Variants in PIEZO1 observed in about 807,000 individuals in gnomAD.
PIEZO1 encodes the protein piezo-type mechanosensitive ion channel component 1.
Under a neutral mutation model 297.2 loss-of-function variants are expected in PIEZO1, and 296 were observed. The observed-to-expected ratio is 1.00, with a 90% CI of 0.91 to 1.10. PIEZO1 has a LOEUF of 1.10. Among genes scored for constraint, PIEZO1 ranks in the 50% least tolerant of loss-of-function variants. PIEZO1 has a pLI of 0.00. For missense variants in PIEZO1, 5,018 were observed against 3,455.5 expected, an observed-to-expected ratio of 1.45 and a Z score of -11.34; for synonymous variants, 2,427 against 1,507.5, an observed-to-expected ratio of 1.61 and a Z score of -14.13.
chr16:88,755,046 GGTCACCGCCGCGGCCATCA>G (rs1387487917), intron 1 of PIEZO1, among the ~76,000 whole-genome samples: 4 of 152,230 alleles, frequency 2.6e-5, no homozygotes, highest in Non-Finnish European at 5.9e-5. Flanking sequence ...GCGGCCATCA[GGTCACCGCCGCGGCCATCA>G]CGTCACCGCC....
In PIEZO1 at chr16:88,720,384, C is replaced by T. The variant is rs1406990931; in HGVS notation, c.5949+1G>A. The T allele has an allele frequency of 6.5e-7, 1 of 1,549,952 alleles. No individual in the cohort carries two copies. The highest frequency in any genetic ancestry group is 2.0e-5 in the Admixed American group (1 of 50,976). ...GGGTTTGGGTCCCGGGCCTGGCTCA[C>T]CCCAAAGGCCCAGAAGCCAAAAATG... On this transcript the variant is annotated splice_donor_variant, in intron 41 of 50. Coordinates refer to ENST00000301015, the MANE Select transcript of PIEZO1 (RefSeq NM_001142864.4). LOFTEE classifies it high-confidence loss of function.
At chr16:88,751,674 TA>T (rs35999205) in intron 1 of PIEZO1, among the ~76,000 whole-genome samples, 41,196 of 145,966 alleles carry the variant, frequency 0.28, 5,852 homozygotes, top group East Asian at 0.57. Context: ...ACATTTTCAT[TA>T]AAAAAAAAAA....
At chr16:88,732,213 C>T (rs1170214936) in intron 21 of PIEZO1, 122 bp downstream of exon 21, 1 of 823,828 alleles carries the variant, frequency 1.2e-6, no homozygotes, top group East Asian at 2.7e-5. Flanking sequence ...CCTGAGTCCC[C>T]CACCCTCTGT....
At chr16:88,772,229 G>A (rs917975714) in intron 1 of PIEZO1, among the ~76,000 whole-genome samples, 2 of 152,248 alleles carry the variant, frequency 1.3e-5, no homozygotes, top group African/African-American at 2.4e-5. Context: ...TGTGTCCAGC[G>A]CTGAAGTCCC....
chr16:88,752,661 C>G (rs936947601), intron 1 of PIEZO1, among the ~76,000 whole-genome samples: 1 of 152,068 alleles, frequency 6.6e-6, no homozygotes, highest in Non-Finnish European at 1.5e-5. Flanking sequence ...CCTCCCTGAC[C>G]GCCCTGCCCC....
intron 1 of PIEZO1, among the ~76,000 whole-genome samples, chr16:88,772,323 G>A (rs1907461179): frequency 6.6e-6 from 1 of 152,252 alleles, no homozygotes. Context: ...GGACAGGTAA[G>A]CAGGCTCTTG....
chr16:88,755,762 C>A (rs1175043245), intron 1 of PIEZO1, among the ~76,000 whole-genome samples: 1 of 152,218 alleles, frequency 6.6e-6, no homozygotes, highest in Non-Finnish European at 1.5e-5. Context: ...AGGCCGGGGG[C>A]CCCCAGGCCA....
Position 88,722,580 on chromosome 16 carries a change from T to G in PIEZO1, c.4775+3A>C. On this transcript the variant is annotated splice_donor_region_variant and intron_variant, in intron 35 of 50. Transcript: ENST00000301015. Reference sequence around the variant, plus strand: ...CTGGGGCTCGGGTCACCCCCGCACCTACCTGGACACGGTGCTTGGGGCATT... The same window carrying G: ...CTGGGGCTCGGGTCACCCCCGCACCGACCTGGACACGGTGCTTGGGGCATT... 6.5e-7 allele frequency: 1 copy of G among 1,526,788 alleles called. No homozygotes were observed. Among genetic ancestry groups the G allele is most frequent in the African/African-American group, 1.4e-5 (1 of 72,654 alleles). The allele number at this position is 1,526,788 out of a possible 1,614,324, so 94.6% of individuals were successfully genotyped here.
At chr16:88,757,401 G>A (rs1906728739) in intron 1 of PIEZO1, among the ~76,000 whole-genome samples, 1 of 151,552 alleles carries the variant, frequency 6.6e-6, no homozygotes. Context: ...GAGAGTGTGT[G>A]GACACTGGCA....
chr16:88,732,074 G>A (rs978397789), intron 21 of PIEZO1, among the ~76,000 whole-genome samples, 164 bp from the exon 22 acceptor site: 5 of 150,988 alleles, frequency 3.3e-5, no homozygotes, highest in African/African-American at 1.2e-4. Context: ...GGAGTGGCTG[G>A]CAGTTGCCAT....
intron 1 of PIEZO1, among the ~76,000 whole-genome samples, chr16:88,761,767 C>A (rs1172398131): frequency 6.6e-6 from 1 of 152,066 alleles, no homozygotes; most frequent in African/African-American, 2.4e-5. Flanking sequence ...CCTCCCCCTC[C>A]CTCCCAGGGC....
chr16:88,737,773 C>G lies in PIEZO1; in HGVS notation c.1062G>C (p.Glu354Asp), dbSNP rs1034086501. The stretch of plus-strand genomic sequence containing the variant: ...GGGGCCACTGGTCCAGCTCTGCTAG[C>G]TCCAGCTCCCGAGCCTCATACCCCT... Reference protein sequence around the residue: ...AAKGYEARELELAELDQWPQE... With the variant: ...AAKGYEARELDLAELDQWPQE... The change falls in exon 9 of 51, where the codon GAG (glutamate) becomes GAC (aspartate). Residue 354 changes from glutamate to aspartate, a missense_variant. Glu to Asp is a conservative substitution (Grantham distance 45, BLOSUM62 2). Transcript: ENST00000301015. 1 of 1,535,784 alleles carries G rather than the reference C, an allele frequency of 6.5e-7. No individual in the cohort carries two copies. The highest frequency in any genetic ancestry group is 8.7e-7 in the Non-Finnish European group (1 of 1,146,736).
At chr16:88,737,046 C>G (rs1905267842) in intron 10 of PIEZO1, 1 of 294,194 alleles carries the variant, frequency 3.4e-6, no homozygotes, top group Non-Finnish European at 6.3e-6. Context: ...AGGGCCGTGG[C>G]TTCATTTGCT....
At chr16:88,743,819 C>G (rs1458172100) in intron 2 of PIEZO1, 6 of 369,554 alleles carry the variant, frequency 1.6e-5, no homozygotes, top group Non-Finnish European at 3.3e-5. Flanking sequence ...CTAGGGTTGC[C>G]CCAGGCCCTG....
intron 22 of PIEZO1, among the ~76,000 whole-genome samples, chr16:88,728,434 A>C: frequency 6.6e-6 from 1 of 150,760 alleles, no homozygotes; most frequent in Non-Finnish European, 1.5e-5. Flanking sequence ...CTGAACTCAC[A>C]GCCCCATCTG....
rs1250736621 is a variant in PIEZO1, at chr16:88,736,181, G to A, written c.1524C>T (p.His508=). 1.9e-6 allele frequency: 3 copies of A among 1,548,978 alleles called. No homozygotes were observed. The highest frequency in any genetic ancestry group is 1.4e-5 in the African/African-American group (1 of 73,144). ...PVSLRQLGLE[H]TRYPCLDLGA... is the part of the protein sequence containing the mutation. ...CAAGGTCCAGACAGGGGTAGCGGGT[G>A]TGCTCCAGCCCCAGCTGGCGCAGGC... Residue 508 remains histidine (H), a synonymous_variant, in exon 12 of 51, where the codon CAC becomes CAT. Coordinates refer to ENST00000301015, the MANE Select transcript of PIEZO1 (RefSeq NM_001142864.4).
chr16:88,726,666 G>T (rs1307537045), intron 25 of PIEZO1, 23 bp from the exon 26 acceptor site: 1 of 1,547,750 alleles, frequency 6.5e-7, no homozygotes. Flanking sequence ...AGGGTCAGCG[G>T]GGCCAGCGGG....
In PIEZO1 at chr16:88,716,696, C is replaced by T. The variant is rs532093814; in HGVS notation, c.6789G>A (p.Glu2263=). Residue 2263 remains glutamate, a synonymous_variant, in exon 47 of 51, where the codon GAG becomes GAA. Coordinates refer to ENST00000301015, the MANE Select transcript of PIEZO1 (RefSeq NM_001142864.4). ...AMQFISQYSP[E]DIVTAQIEGS... is the part of the protein sequence containing the mutation. The stretch of plus-strand genomic sequence containing the variant: ...CCTCAATCTGCGCCGTGACGATGTC[C>T]TCAGGGCTGTACTGGCTGATGAACT... The T allele has an allele frequency of 6.5e-7, 1 of 1,548,724 alleles. No individual in the cohort carries two copies. The highest frequency in any genetic ancestry group is 1.4e-5 in the African/African-American group (1 of 73,178).
In PIEZO1 at chr16:88,764,024, G is replaced by A. The variant is rs114648901; in HGVS notation, c.65-14545C>T. 9.9e-3 allele frequency among the ~76,000 whole-genome samples: 1,510 copies of A among 152,260 alleles called. 22 individuals are homozygous for A. The highest frequency in any genetic ancestry group is 0.035 in the African/African-American group (1,435 of 41,538). On this transcript the variant is annotated intron_variant, in intron 1 of 50. Coordinates refer to ENST00000301015, the MANE Select transcript of PIEZO1 (RefSeq NM_001142864.4). ...CCCACAGCCTCCTGGGGGCCAAAGT[G>A]CACGATGAGCCACAGTTAGCACCAG... is the stretch of plus-strand genomic sequence containing the variant.
Sources: gnomAD v4.1 joint callset for allele counts (sites outside exome capture counted in the v4.1 genomes callset) on GRCh38, gnomAD v4.1.1 for gene constraint, MANE v1.5 for transcripts, NCBI Gene and HGNC (gene_info 2026-07-23, HGNC 2026-07-21) for gene names.